Variants in RNASE8 observed in about 807,000 individuals in gnomAD.
The protein encoded by RNASE8 is ribonuclease A family member 8.
For missense variants in RNASE8, 179 were observed against 187.9 expected (o/e 0.95, Z 0.28); for synonymous variants, 68 against 74.1 (o/e 0.92, Z 0.42).
chr14:21,058,304 C>G lies in RNASE8; in HGVS notation c.412C>G (p.Gln138Glu), dbSNP rs1885776771. Reference protein sequence around the residue: ...PYIVACDPPQQGDPGYPLVPV... With the variant: ...PYIVACDPPQEGDPGYPLVPV... ...CATAGTGGCCTGTGACCCTCCACAA[C>G]AGGGTGACCCAGGGTACCCACTTGT... The change falls in exon 1 of 1, where the codon CAG becomes GAG. Residue 138 changes from glutamine (Q) to glutamate (E), a missense_variant. By Grantham distance (29) the Gln-to-Glu change is conservative. Coordinates refer to ENST00000308227, the MANE Select transcript of RNASE8 (RefSeq NM_138331.2). The G allele has an allele frequency of 6.2e-7, 1 of 1,613,750 alleles. No homozygotes were observed. The highest frequency in any genetic ancestry group is 1.1e-5 in the South Asian group (1 of 91,000).
rs370603371 is a variant in RNASE8, at chr14:21,057,918, G to A, written c.26G>A (p.Cys9Tyr). 2.5e-6 allele frequency: 4 copies of A among 1,613,828 alleles called. No individual in the cohort carries two copies. The highest frequency in any genetic ancestry group is 2.2e-5 in the East Asian group (1 of 44,872). ...ATGGCACCGGCCAGAGCAGGATGCT[G>A]CCCCCTGCTGCTGCTGCTTCTGGGG... MAPARAGC[C>Y]PLLLLLLGLW... is the part of the protein sequence containing the mutation. The change falls in exon 1 of 1, where the codon TGC becomes TAC. Residue 9 changes from cysteine (C) to tyrosine (Y), a missense_variant. Cys to Tyr is a radical substitution (Grantham distance 194). Coordinates refer to ENST00000308227, the MANE Select transcript of RNASE8 (RefSeq NM_138331.2).
rs773582195 is a variant in RNASE8 at position 21,058,295 on chromosome 14, C to T, written c.403C>T (p.Pro135Ser). ...LNTPYIVACD[P>S]PQQGDPGYPL... ...CACACCTTACATAGTGGCCTGTGAC[C>T]CTCCACAACAGGGTGACCCAGGGTA... Residue 135 changes from proline to serine, a missense_variant, in exon 1 of 1, where the codon CCT becomes TCT. Pro to Ser is a moderately conservative substitution (Grantham distance 74, BLOSUM62 -1). Coordinates refer to ENST00000308227, the MANE Select transcript of RNASE8 (RefSeq NM_138331.2). 13 of 1,614,016 alleles carry T rather than the reference C, an allele frequency of 8.1e-6. No individual in the cohort carries two copies. The East Asian group carries it at 2.7e-4, about 33-fold the overall frequency.
chr14:21,058,374 T>C lies in RNASE8; in HGVS notation c.*17T>C, dbSNP rs1368400320. On this transcript the variant is annotated 3_prime_UTR_variant, in exon 1 of 1. Coordinates refer to ENST00000308227, the MANE Select transcript of RNASE8 (RefSeq NM_138331.2). The stretch of plus-strand genomic sequence containing the variant: ...GTTGTCTAAGCCCTGGTGCCCACGT[T>C]CCACCTCACACTCTGCAGACTGTAT... 2 of 1,543,160 alleles carry C rather than the reference T, an allele frequency of 1.3e-6. No homozygotes were observed. Among genetic ancestry groups the C allele is most frequent in the Admixed American group, 1.7e-5 (1 of 58,200 alleles).
At chr14:21,057,919 C>CT in the RNASE8 span, 5 of 1,613,952 alleles carry the variant, frequency 3.1e-6, no homozygotes, top group Non-Finnish European at 1.7e-6. Context: ...CAGGATGCTG[C>CT]CCCCTGCTGC....
At position 21,057,864 on chromosome 14, in the gene RNASE8, ACT is replaced by A. The variant is rs1233993046; in HGVS notation, c.-26_-25del. 2 of 1,591,208 alleles carry A rather than the reference ACT, an allele frequency of 1.3e-6. No homozygotes were observed. Among genetic ancestry groups the A allele is most frequent in the African/African-American group, 2.7e-5 (2 of 74,326 alleles). ...GACCTATTCATCCACCTACCTCCTC[ACT>A]CTGTTCCACTGTCTCCCTTAAGAGA... On this transcript the variant is annotated 5_prime_UTR_variant, in exon 1 of 1. An upstream open reading frame in the 5' UTR loses its in-frame stop. Transcript: ENST00000308227.
the RNASE8 span, chr14:21,058,239 C>CA: frequency 2.3e-4 from 364 of 1,614,134 alleles, no homozygotes; most frequent in African/African-American, 4.4e-3. Context: ...GGGAAGTACC[C>CA]AAACTGCAGG....
rs552309346 is a variant in RNASE8 at position 21,058,371 on chromosome 14, C to T, written c.*14C>T. On this transcript the variant is annotated 3_prime_UTR_variant, in exon 1 of 1. Transcript: ENST00000308227. ...AAAGTTGTCTAAGCCCTGGTGCCCA[C>T]GTTCCACCTCACACTCTGCAGACTG... 6.4e-6 allele frequency: 10 copies of T among 1,550,650 alleles called. No homozygotes were observed. Among genetic ancestry groups the T allele is most frequent in the African/African-American group, 4.1e-5 (3 of 73,742 alleles).
rs1359827562 is a variant in RNASE8, at chr14:21,057,930, T to C, written c.38T>C (p.Leu13Pro). 1 of 1,614,114 alleles carries C rather than the reference T, an allele frequency of 6.2e-7. No homozygotes were observed. Among genetic ancestry groups the C allele is most frequent in the South Asian group, 1.1e-5 (1 of 91,072 alleles). ...PARAGCCPLL[L>P]LLLGLWVAEV... is the part of the protein sequence containing the mutation. Reference sequence around the variant, plus strand: ...AGAGCAGGATGCTGCCCCCTGCTGCTGCTGCTTCTGGGGCTGTGGGTGGCA... The same window carrying C: ...AGAGCAGGATGCTGCCCCCTGCTGCCGCTGCTTCTGGGGCTGTGGGTGGCA... Residue 13 changes from leucine (L) to proline (P), a missense_variant, in exon 1 of 1, where the codon CTG (leucine) becomes CCG (proline). Transcript: ENST00000308227.
chr14:21,057,899 C>A lies in RNASE8; in HGVS notation c.7C>A (p.Pro3Thr). 3 of 1,613,572 alleles carry A rather than the reference C, an allele frequency of 1.9e-6. No individual in the cohort carries two copies. The highest frequency in any genetic ancestry group is 2.5e-6 in the Non-Finnish European group (3 of 1,179,756). MA[P>T]ARAGCCPLLL... ...ACTGTCTCCCTTAAGAGAGATGGCA[C>A]CGGCCAGAGCAGGATGCTGCCCCCT... The change falls in exon 1 of 1, where the codon CCG becomes ACG. Residue 3 changes from proline to threonine, a missense_variant. Coordinates refer to ENST00000308227, the MANE Select transcript of RNASE8 (RefSeq NM_138331.2).
In RNASE8 at chr14:21,057,901, G is replaced by T. The variant is rs765831124; in HGVS notation, c.9G>T (p.Pro3=). 1 of 1,613,602 alleles carries T rather than the reference G, an allele frequency of 6.2e-7. No homozygotes were observed. Among genetic ancestry groups the T allele is most frequent in the East Asian group, 2.2e-5 (1 of 44,848 alleles). The change falls in exon 1 of 1, where the codon CCG becomes CCT. Residue 3 remains proline (P), a synonymous_variant. Transcript: ENST00000308227. MA[P]ARAGCCPLLL... is the part of the protein sequence containing the mutation. ...TGTCTCCCTTAAGAGAGATGGCACC[G>T]GCCAGAGCAGGATGCTGCCCCCTGC...
chr14:21,058,172 A>T, the RNASE8 span: 2 of 1,613,930 alleles, frequency 1.2e-6, no homozygotes, highest in African/African-American at 2.7e-5. Context: ...GAATAGCTGT[A>T]AAAACTGCCA....
Position 21,057,976 on chromosome 14 carries a change from G to A in RNASE8, c.84G>A (p.Lys28=), listed in dbSNP as rs990646766. ...LWVAEVLVRA[K]PKDMTSSQWF... ...TGGCAGAGGTCCTAGTCAGAGCCAA[G>A]CCCAAGGACATGACATCATCTCAGT... The change falls in exon 1 of 1, where the codon AAG becomes AAA. Residue 28 remains lysine, a synonymous_variant. Coordinates refer to ENST00000308227, the MANE Select transcript of RNASE8 (RefSeq NM_138331.2). 18 of 1,613,952 alleles carry A rather than the reference G, an allele frequency of 1.1e-5. No individual in the cohort carries two copies. The Admixed American group carries it at 2.7e-4, about 24-fold the overall frequency.
At position 21,058,120 on chromosome 14, in the gene RNASE8, C is replaced by T. The variant is rs1300304115; in HGVS notation, c.228C>T (p.Ser76=). The T allele has an allele frequency of 1.2e-6, 2 of 1,614,176 alleles. No homozygotes were observed. Among genetic ancestry groups the T allele is most frequent in the Non-Finnish European group, 8.5e-7 (1 of 1,180,036 alleles). ...DLNTFLHEPF[S]SVAITCQTPN... is the part of the protein sequence containing the mutation. ...ACACCTTCCTGCACGAGCCCTTCTC[C>T]AGTGTGGCCATCACCTGCCAGACCC... Residue 76 remains serine (S), a synonymous_variant, in exon 1 of 1, where the codon TCC becomes TCT. Coordinates refer to ENST00000308227, the MANE Select transcript of RNASE8 (RefSeq NM_138331.2).
rs1181708803 is a variant in RNASE8 at position 21,058,042 on chromosome 14, C to T, written c.150C>T (p.Cys50=). The T allele has an allele frequency of 1.2e-6, 2 of 1,614,038 alleles. No homozygotes were observed. The highest frequency in any genetic ancestry group is 2.7e-5 in the African/African-American group (2 of 74,906). ...TQHVQPSPQA[C]NSAMSIINKY... ...ATGTGCAGCCCAGCCCTCAAGCATG[C>T]AACTCAGCCATGAGCATCATCAATA... The change falls in exon 1 of 1, where the codon TGC becomes TGT. Residue 50 remains cysteine (C), a synonymous_variant. Coordinates refer to ENST00000308227, the MANE Select transcript of RNASE8 (RefSeq NM_138331.2).
Position 21,058,287 on chromosome 14 carries a change from C to A in RNASE8, c.395C>A (p.Ala132Asp). 6.2e-7 allele frequency: 1 copy of A among 1,614,144 alleles called. No individual in the cohort carries two copies. The highest frequency in any genetic ancestry group is 8.5e-7 in the Non-Finnish European group (1 of 1,180,020). ...CACCTGAACACACCTTACATAGTGG[C>A]CTGTGACCCTCCACAACAGGGTGAC... ...EKHLNTPYIV[A>D]CDPPQQGDPG... is the part of the protein sequence containing the mutation. The change falls in exon 1 of 1, where the codon GCC becomes GAC. Residue 132 changes from alanine (A) to aspartate (D), a missense_variant. Transcript: ENST00000308227.
chr14:21,058,033 T>C lies in RNASE8; in HGVS notation c.141T>C (p.Pro47=), dbSNP rs1420434085. ...WFKTQHVQPS[P]QACNSAMSII... is the part of the protein sequence containing the mutation. The stretch of plus-strand genomic sequence containing the variant: ...AAACTCAGCATGTGCAGCCCAGCCC[T>C]CAAGCATGCAACTCAGCCATGAGCA... The change falls in exon 1 of 1, where the codon CCT becomes CCC. Residue 47 remains proline (P), a synonymous_variant. Coordinates refer to ENST00000308227, the MANE Select transcript of RNASE8 (RefSeq NM_138331.2). 6.2e-7 allele frequency: 1 copy of C among 1,614,006 alleles called. No homozygotes were observed. The highest frequency in any genetic ancestry group is 8.5e-7 in the Non-Finnish European group (1 of 1,179,996).
the RNASE8 span, chr14:21,058,164 AT>A: frequency 6.2e-7 from 1 of 1,614,148 alleles, no homozygotes; most frequent in Non-Finnish European, 8.5e-7. Flanking sequence ...GCCTGCAAGA[AT>A]AGCTGTAAAA....
Position 21,058,152 on chromosome 14 carries a change from T to C in RNASE8, c.260T>C (p.Ile87Thr). 1.2e-6 allele frequency: 2 copies of C among 1,613,968 alleles called. No homozygotes were observed. Among genetic ancestry groups the C allele is most frequent in the Non-Finnish European group, 1.7e-6 (2 of 1,179,994 alleles). Residue 87 changes from isoleucine (I) to threonine (T), a missense_variant, in exon 1 of 1, where the codon ATA becomes ACA. Physicochemically the swap from Ile to Thr is moderately conservative, Grantham distance 89. Transcript: ENST00000308227. ...SVAITCQTPN[I>T]ACKNSCKNCH... ...GCCATCACCTGCCAGACCCCCAACA[T>C]AGCCTGCAAGAATAGCTGTAAAAAC...
chr14:21,057,842 C>A lies in RNASE8; in HGVS notation c.-51C>A. The A allele has an allele frequency of 1.3e-6, 2 of 1,503,706 alleles. No homozygotes were observed. Among genetic ancestry groups the A allele is most frequent in the Non-Finnish European group, 1.8e-6 (2 of 1,092,710 alleles). 93.1% of individuals were successfully genotyped at this position (1,503,706 alleles called of 1,614,324 possible). ...ACTAACAAGACTCCCCCATGATGAC[C>A]TATTCATCCACCTACCTCCTCACTC... On this transcript the variant is annotated 5_prime_UTR_variant, in exon 1 of 1. Coordinates refer to ENST00000308227, the MANE Select transcript of RNASE8 (RefSeq NM_138331.2).
Sources: gnomAD v4.1 joint callset for allele counts on GRCh38, gnomAD v4.1.1 for gene constraint, MANE v1.5 for transcripts, NCBI Gene and HGNC (gene_info 2026-07-23, HGNC 2026-07-21) for gene names.